HOXA3: variants seen among roughly 807,000 people sequenced by gnomAD.
HOXA3 encodes homeobox protein Hox-A3.
Under a neutral mutation model 30.3 loss-of-function variants are expected in HOXA3, and 8 were observed. The observed-to-expected ratio is 0.26, with a 90% CI of 0.15 to 0.48. The LOEUF (loss-of-function observed/expected upper bound fraction) is 0.48. Among genes scored for constraint, HOXA3 ranks in the 20% least tolerant of loss-of-function variants. The pLI is 0.99. For missense variants in HOXA3, 653 were observed against 614.4 expected (o/e 1.06, Z -0.66); for synonymous variants, 323 against 273.1 (o/e 1.18, Z -1.80).
chr7:27,108,002 C>A lies in HOXA3; in HGVS notation c.1245G>T (p.Gly415=). Residue 415 remains glycine (G), a synonymous_variant, in exon 6 of 6, where the codon GGG becomes GGT. Coordinates refer to ENST00000612286, the MANE Select transcript of HOXA3 (RefSeq NM_153631.3). This position sits in a 1 kb window ranked among gnomAD's most constrained non-coding sequence, Gnocchi z 5.0. The part of the protein sequence containing the change: ...GSGHHHGPGP[G]EPHPTYTDLT... ...GGTCCGTGTAGGTGGGGTGCGGCTC[C>A]CCAGGCCCCGGCCCGTGGTGGTGGC... 6.2e-7 allele frequency: 1 copy of A among 1,612,306 alleles called. No homozygotes were observed. Among genetic ancestry groups the A allele is most frequent in the Middle Eastern group, 1.7e-4 (1 of 6,054 alleles).
intron 2 of HOXA3, among the ~76,000 whole-genome samples, chr7:27,132,473 A>G (rs1456129503): frequency 5.3e-5 from 8 of 152,362 alleles, no homozygotes; most frequent in Non-Finnish European, 1.0e-4. Flanking sequence ...CTAATTTAGG[A>G]AAAGAGGTTA....
At chr7:27,149,790 T>C (rs948624538) in intron 1 of HOXA3, among the ~76,000 whole-genome samples, 1 of 152,252 alleles carries the variant, frequency 6.6e-6, no homozygotes, top group South Asian at 2.1e-4. Flanking sequence ...AAAAACATGT[T>C]TGTGTTATTT....
chr7:27,111,534 T>C (rs1784379281), intron 4 of HOXA3, among the ~76,000 whole-genome samples: 1 of 147,582 alleles, frequency 6.8e-6, no homozygotes, highest in Non-Finnish European at 1.5e-5. Context: ...GGACCAACAG[T>C]AACACCCCAC....
At chr7:27,119,492 T>G (rs1317450765) in intron 4 of HOXA3, 2 of 152,238 alleles carry the variant, frequency 1.3e-5, no homozygotes, top group Non-Finnish European at 2.9e-5. Flanking sequence ...CTGATGACAT[T>G]GCCCACTAAT....
Position 27,152,524 on chromosome 7 carries a change from C to A in HOXA3, c.-730G>T. 2 of 1,180,020 alleles carry A rather than the reference C, an allele frequency of 1.7e-6. No individual in the cohort carries two copies. Among genetic ancestry groups the A allele is most frequent in the Admixed American group, 3.9e-5 (1 of 25,910 alleles). The allele number at this position is 1,180,020 out of a possible 1,614,324, so 73.1% of individuals were successfully genotyped here. On this transcript the variant is annotated 5_prime_UTR_variant, in exon 1 of 6. Coordinates refer to ENST00000612286, the MANE Select transcript of HOXA3 (RefSeq NM_153631.3). ...TCGCCATCTCCGGACAAAGCACAGCCGAGCCCGGCTGGAAGGCAGAGCTCC... is the reference window on the plus strand; with the variant it reads ...TCGCCATCTCCGGACAAAGCACAGCAGAGCCCGGCTGGAAGGCAGAGCTCC...
intron 1 of HOXA3, among the ~76,000 whole-genome samples, chr7:27,147,989 G>T (rs1207998434): frequency 6.6e-6 from 1 of 152,166 alleles, no homozygotes; most frequent in African/African-American, 2.4e-5. Context: ...CCCGCCGCCC[G>T]CCCGGCAGAT....
At chr7:27,119,109 A>C (rs1784881876) in intron 4 of HOXA3, among the ~76,000 whole-genome samples, 1 of 152,056 alleles carries the variant, frequency 6.6e-6, no homozygotes, top group Admixed American at 6.6e-5. Context: ...CTAAACATAA[A>C]AAATATCAGA....
Position 27,110,712 on chromosome 7 carries a change from C to A in HOXA3, c.-72G>T. 1 of 1,577,104 alleles carries A rather than the reference C, an allele frequency of 6.3e-7. No individual in the cohort carries two copies. The highest frequency in any genetic ancestry group is 1.3e-5 in the African/African-American group (1 of 74,510). ...ACCCGTGAGGGCGCACATTGGCACG[C>A]CCCCGCGGTCACGTGACACTCCGCC... On this transcript the variant is annotated 5_prime_UTR_variant, in exon 5 of 6. Transcript: ENST00000612286.
At chr7:27,117,629 C>T (rs1027897033) in intron 4 of HOXA3, among the ~76,000 whole-genome samples, 1 of 152,168 alleles carries the variant, frequency 6.6e-6, no homozygotes, top group Non-Finnish European at 1.5e-5. Context: ...AAAATGGCAG[C>T]GCATCTGCAC....
chr7:27,139,813 C>G (rs1242294224), intron 2 of HOXA3, among the ~76,000 whole-genome samples: 1 of 152,152 alleles, frequency 6.6e-6, no homozygotes, highest in African/African-American at 2.4e-5. Context: ...TGCACGCCGG[C>G]GGGAGCAGCG....
At chr7:27,130,538 C>T (rs1430203937) in intron 2 of HOXA3, 2 of 1,367,230 alleles carry the variant, frequency 1.5e-6, no homozygotes, top group Non-Finnish European at 1.9e-6. Context: ...GGCTCTCGGC[C>T]GCCGCCCGCG....
chr7:27,117,356 C>A (rs1395437582), intron 4 of HOXA3, among the ~76,000 whole-genome samples: 3 of 152,174 alleles, frequency 2.0e-5, no homozygotes, highest in Non-Finnish European at 4.4e-5. Flanking sequence ...CTGATGAAGT[C>A]CAAACCTAAT....
chr7:27,142,476 GT>G (rs1782604149), intron 1 of HOXA3, among the ~76,000 whole-genome samples: 1 of 152,140 alleles, frequency 6.6e-6, no homozygotes. Flanking sequence ...CTCCCTCAAA[GT>G]TCCAGCCCCG....
At chr7:27,130,227 C>A in intron 2 of HOXA3, 2 of 1,418,280 alleles carry the variant, frequency 1.4e-6, no homozygotes, top group Non-Finnish European at 1.8e-6. Context: ...GGGCGCTGCC[C>A]CCTGCCGGGA....
intron 1 of HOXA3, among the ~76,000 whole-genome samples, chr7:27,148,948 C>G (rs982425350): frequency 2.0e-5 from 3 of 152,278 alleles, no homozygotes; most frequent in Non-Finnish European, 2.9e-5. Context: ...ACAACCGGCA[C>G]TGTCCTGGGG....
At chr7:27,129,069 C>T in intron 2 of HOXA3, 1 of 696,510 alleles carries the variant, frequency 1.4e-6, no homozygotes, top group Non-Finnish European at 2.6e-6. Context: ...GACTCTTAAC[C>T]GGATAATGTC....
At chr7:27,146,236 G>GGTGT (rs1170483226) in intron 1 of HOXA3, among the ~76,000 whole-genome samples, 1 of 113,644 alleles carries the variant, frequency 8.8e-6, no homozygotes, top group African/African-American at 3.3e-5. Context: ...GGGGATGCAG[G>GGTGT]GTGTGTGTGT....
At chr7:27,144,980 A>G (rs778145570) in intron 1 of HOXA3, among the ~76,000 whole-genome samples, 1 of 152,012 alleles carries the variant, frequency 6.6e-6, no homozygotes, top group Non-Finnish European at 1.5e-5. Flanking sequence ...CCGGGCTGTA[A>G]TGTTCCACCC....
chr7:27,114,871 T>TTATATATATAATATATATTA (rs1554336707), intron 4 of HOXA3, among the ~76,000 whole-genome samples: 2 of 110,806 alleles, frequency 1.8e-5, no homozygotes, highest in East Asian at 2.5e-4. Context: ...ATAATATATA[T>TTATATATATAATATATATTA]TATATATATG....
Sources: allele counts gnomAD v4.1 joint callset (sites outside exome capture counted in the v4.1 genomes callset), GRCh38; gene constraint gnomAD v4.1.1; non-coding constraint Gnocchi (gnomAD v3.1); transcripts MANE v1.5; gene names NCBI Gene and HGNC (gene_info 2026-07-23, HGNC 2026-07-21).